The following FCRL6 variants were observed in gnomAD, a reference collection of about 807,000 sequenced individuals.
The protein encoded by FCRL6 is Fc receptor like 6, also known as Fc receptor-like protein 6.
A neutral mutation model predicts 49.1 loss-of-function variants in FCRL6; 50 were observed. The ratio of observed to expected loss-of-function variants is 1.02; its 90% CI spans 0.81 to 1.29. FCRL6 has a LOEUF of 1.29. Among genes scored for constraint, FCRL6 ranks in the 50% most tolerant of loss-of-function variants. The pLI, the probability that FCRL6 is intolerant of heterozygous loss-of-function variation, is 0.00. For missense variants in FCRL6, 571 were observed against 518.5 expected (o/e 1.10, Z -0.98); for synonymous variants, 213 against 199.6 (o/e 1.07, Z -0.57).
At chr1:159,808,536 T>A in intron 3 of FCRL6, 92 bp downstream of exon 3, 2 of 1,491,644 alleles carry the variant, frequency 1.3e-6, no homozygotes, top group Non-Finnish European at 1.9e-6. Context: ...TGGACCCCTG[T>A]CTCTGGCTGC....
chr1:159,806,363 T>G (rs59177920), intron 1 of FCRL6, among the ~76,000 whole-genome samples: 6,704 of 151,248 alleles, frequency 0.044, 484 homozygotes, highest in African/African-American at 0.15. Context: ...GGTGGTTGGG[T>G]GGTTGGATGG....
intron 3 of FCRL6, 150 bp from the exon 4 acceptor site, chr1:159,808,811 G>A (rs1662883298): frequency 2.7e-6 from 2 of 743,118 alleles, no homozygotes; most frequent in Non-Finnish European, 4.3e-6. Context: ...GTTTGTGGGT[G>A]AGGGTAAGAG....
chr1:159,802,697 T>C (rs1486769829), intron 1 of FCRL6, among the ~76,000 whole-genome samples: 1 of 152,156 alleles, frequency 6.6e-6, no homozygotes, highest in African/African-American at 2.4e-5. Context: ...ATGTCAGAGA[T>C]AAATTAGGGA....
At position 159,809,083 on chromosome 1, in the gene FCRL6, T is replaced by G; in HGVS notation, c.442T>G (p.Ser148Ala). The G allele has an allele frequency of 1.2e-6, 2 of 1,613,988 alleles. No individual in the cohort carries two copies. The highest frequency in any genetic ancestry group is 1.7e-6 in the Non-Finnish European group (2 of 1,179,956). Residue 148 changes from serine to alanine, a missense_variant, in exon 4 of 10, where the codon TCC becomes GCC. By Grantham distance (99) the Ser-to-Ala change is moderately conservative. Transcript: ENST00000368106. ...PLRSALRLLF[S>A]FHKDGHTLQD... ...GAGGTCAGCCTTGAGGCTCCTTTTCTCCTTCCACAAGGACGGCCACACCTT... is the reference window on the plus strand; with the variant it reads ...GAGGTCAGCCTTGAGGCTCCTTTTCGCCTTCCACAAGGACGGCCACACCTT...
intron 6 of FCRL6, among the ~76,000 whole-genome samples, chr1:159,812,527 C>T (rs1663148743): frequency 6.6e-6 from 1 of 152,218 alleles, no homozygotes; most frequent in African/African-American, 2.4e-5. Flanking sequence ...TAAAAGTGTT[C>T]CTTTTACTAC....
rs1218204262 is a variant in FCRL6, at chr1:159,808,428, C to T, written c.303C>T (p.Ala101=). The T allele has an allele frequency of 6.2e-6, 10 of 1,614,214 alleles. No homozygotes were observed. Among genetic ancestry groups the T allele is most frequent in the Non-Finnish European group, 8.5e-6 (10 of 1,180,022 alleles). The stretch of plus-strand genomic sequence containing the variant: ...CATTCACACAAACTTCAGAGACTGC[C>T]ATGGTTCAAGTCCAAGGTGAGTCAC... ...PQTFTQTSET[A]MVQVQELFPP... The change falls in exon 3 of 10, where the codon GCC becomes GCT. Residue 101 remains alanine (A), a synonymous_variant. Transcript: ENST00000368106.
intron 6 of FCRL6, among the ~76,000 whole-genome samples, chr1:159,810,803 GT>G (rs1557877128): frequency 6.6e-6 from 1 of 152,202 alleles, no homozygotes. Context: ...ACTACCATTA[GT>G]TCCATAGCCT....
chr1:159,800,917 A>G (rs994133023), upstream of FCRL6, among the ~76,000 whole-genome samples: 2 of 152,168 alleles, frequency 1.3e-5, no homozygotes, highest in Non-Finnish European at 2.9e-5. Context: ...TCCCAGCTAC[A>G]TGGGAGGCTG....
In FCRL6 at chr1:159,815,650, G is replaced by A; in HGVS notation, c.1294G>A (p.Val432Ile). ...LQEPLSDCEE[V>I]LC ...AGAACCCCTTAGCGACTGTGAGGAG[G>A]TTCTCTGCTAGTGATGGTGTTCTCC... The change falls in exon 10 of 10, where the codon GTT becomes ATT. Residue 432 changes from valine (V) to isoleucine (I), a missense_variant. Physicochemically the swap from Val to Ile is conservative, Grantham distance 29 (BLOSUM62 3). Transcript: ENST00000368106. 6.2e-7 allele frequency: 1 copy of A among 1,614,134 alleles called. No individual in the cohort carries two copies. The highest frequency in any genetic ancestry group is 1.1e-5 in the South Asian group (1 of 91,078).
chr1:159,814,307 G>A lies in FCRL6; in HGVS notation c.1147+15G>A. The A allele has an allele frequency of 3.7e-6, 6 of 1,610,444 alleles. No individual in the cohort carries two copies. Among genetic ancestry groups the A allele is most frequent in the Middle Eastern group, 3.3e-4 (2 of 6,054 alleles). ...GAGGAGTGAAGGTGAGTGATCTCAGGCCAAACTTGGTACCTTTGCAAACAG... is the reference window on the plus strand; with the variant it reads ...GAGGAGTGAAGGTGAGTGATCTCAGACCAAACTTGGTACCTTTGCAAACAG... On this transcript the variant is annotated intron_variant, in intron 8 of 9. Transcript: ENST00000368106.
intron 2 of FCRL6, 135 bp from the exon 3 acceptor site, chr1:159,808,043 G>GGA: frequency 2.2e-6 from 2 of 921,208 alleles, no homozygotes; most frequent in South Asian, 3.3e-5. Flanking sequence ...ATGAAGGACT[G>GGA]GAGACAGTGA....
chr1:159,813,845 G>A (rs1276188393), intron 7 of FCRL6, among the ~76,000 whole-genome samples: 1 of 152,244 alleles, frequency 6.6e-6, no homozygotes, highest in Non-Finnish European at 1.5e-5. Flanking sequence ...GCCTGTTTTT[G>A]TAGATAAAGT....
At chr1:159,814,170 T>C (rs748567479) in intron 7 of FCRL6, 51 bp from the exon 8 acceptor site, 18 of 1,525,502 alleles carry the variant, frequency 1.2e-5, no homozygotes, top group Middle Eastern at 1.7e-4. Context: ...ACTTATGACA[T>C]GAGGTGGGAG....
At chr1:159,800,524 G>A, upstream of FCRL6, 1 of 1,368,590 alleles carries the variant, frequency 7.3e-7, no homozygotes, top group Non-Finnish European at 1.0e-6. Flanking sequence ...ACACCCACAG[G>A]ACCTGCAGCT....
In FCRL6 at chr1:159,809,752, G is replaced by A. The variant is rs1263908852; in HGVS notation, c.886+69G>A. On this transcript the variant is annotated intron_variant, in intron 5 of 9. Coordinates refer to ENST00000368106, the MANE Select transcript of FCRL6 (RefSeq NM_001004310.3). ...GCAGGGGTCAGATCTCACCCTCTGT[G>A]TACCTCCCATCACGACTGGCACAGT... 1.8e-5 allele frequency: 25 copies of A among 1,385,100 alleles called. No homozygotes were observed. The African/African-American group carries it at 2.1e-4, about 12-fold the overall frequency. 85.8% of individuals were successfully genotyped at this position (1,385,100 alleles called of 1,614,324 possible). A position where few individuals can be genotyped will look rare whatever the true frequency, so the allele number is the denominator to read the frequency against.
intron 1 of FCRL6, among the ~76,000 whole-genome samples, chr1:159,802,836 G>C (rs1227967241): frequency 2.6e-5 from 4 of 152,174 alleles, no homozygotes; most frequent in Non-Finnish European, 4.4e-5. Flanking sequence ...GAGGCTGCTG[G>C]GGGCAACAGG....
upstream of FCRL6, chr1:159,802,298 C>G: frequency 1.2e-6 from 1 of 848,624 alleles, no homozygotes; most frequent in South Asian, 1.6e-5. Context: ...TTTTGGCTAT[C>G]AAGCTATAGC....
intron 2 of FCRL6, 71 bp from the exon 3 acceptor site, chr1:159,808,107 G>A: frequency 2.6e-6 from 4 of 1,536,746 alleles, no homozygotes; most frequent in Non-Finnish European, 3.5e-6. Context: ...GCCTTAGGCT[G>A]GGGGACAGAG....
At chr1:159,810,766 A>C (rs1663045762) in intron 6 of FCRL6, among the ~76,000 whole-genome samples, 1 of 152,210 alleles carries the variant, frequency 6.6e-6, no homozygotes, top group Non-Finnish European at 1.5e-5. Context: ...TATGATAGAC[A>C]AGACTGAGCA....
Sources: gnomAD v4.1 joint callset for allele counts (sites outside exome capture counted in the v4.1 genomes callset) on GRCh38, gnomAD v4.1.1 for gene constraint, MANE v1.5 for transcripts, NCBI Gene and HGNC (gene_info 2026-07-23, HGNC 2026-07-21) for gene names.